Variants in PAK2 observed in about 807,000 individuals in gnomAD.
PAK2 encodes the protein p21 (RAC1) activated kinase 2.
In PAK2, 21 loss-of-function variants were observed where a neutral mutation model predicts 65.9. The observed-to-expected ratio is 0.32, with a 90% CI of 0.23 to 0.46. The LOEUF is 0.46. PAK2 is among the 20% of genes least tolerant of loss of function. PAK2 has a pLI of 1.00. For synonymous variants in PAK2, 204 were observed against 219.7 expected (o/e 0.93, Z 0.63); for missense variants, 324 against 642.6 (o/e 0.50, Z 5.36).
At chr3:196,753,016 T>G (rs1009333998) in intron 1 of PAK2, among the ~76,000 whole-genome samples, 1 of 151,584 alleles carries the variant, frequency 6.6e-6, no homozygotes, top group Admixed American at 6.6e-5. Context: ...AGTCTCCCTG[T>G]GTCACCCAGG....
chr3:196,804,835 A>G (rs998320353), intron 4 of PAK2, among the ~76,000 whole-genome samples: 6 of 150,564 alleles, frequency 4.0e-5, no homozygotes, highest in African/African-American at 1.5e-4. Flanking sequence ...ACACATATAT[A>G]TATATATATA....
At chr3:196,811,217 C>CCCTTCCTTCCT (rs1715782609) in intron 8 of PAK2, among the ~76,000 whole-genome samples, 1 of 5,396 alleles carries the variant, frequency 1.9e-4, no homozygotes, top group African/African-American at 9.6e-4. Flanking sequence ...CTTCCCTTCC[C>CCCTTCCTTCCT]TCCCTCCCTT....
At chr3:196,755,987 C>T (rs1005701849) in intron 1 of PAK2, among the ~76,000 whole-genome samples, 1 of 152,068 alleles carries the variant, frequency 6.6e-6, no homozygotes, top group Non-Finnish European at 1.5e-5. Context: ...AACTCTTGAC[C>T]TCATGATCCG....
chr3:196,788,546 A>T (rs940734258), intron 2 of PAK2, among the ~76,000 whole-genome samples: 1 of 152,152 alleles, frequency 6.6e-6, no homozygotes, highest in Non-Finnish European at 1.5e-5. Flanking sequence ...TGTGTGTACT[A>T]TGTGAATAAT....
intron 1 of PAK2, among the ~76,000 whole-genome samples, chr3:196,759,490 TTTTTTTTG>T (rs1560092737): frequency 2.8e-4 from 30 of 108,364 alleles, no homozygotes; most frequent in African/African-American, 9.4e-4. Context: ...AGTTAAGTGG[TTTTTTTTG>T]TTTTTTTTTT....
intron 7 of PAK2, among the ~76,000 whole-genome samples, chr3:196,808,276 C>T (rs973060679): frequency 2.0e-5 from 3 of 151,800 alleles, no homozygotes; most frequent in Non-Finnish European, 2.9e-5. Context: ...AAGATTGCGT[C>T]GTTGGGCTGG....
Position 196,747,489 on chromosome 3 carries a change from G to T in PAK2, c.-22+7332G>T, listed in dbSNP as rs181918473. On this transcript the variant is annotated intron_variant, in intron 1 of 14. Coordinates refer to ENST00000327134, the MANE Select transcript of PAK2 (RefSeq NM_002577.4). ...TTTGATTTCCTCTTTGACTCAGGAGGTATTTAGGATAATTCTATTCACTCA... is the reference window on the plus strand; with the variant it reads ...TTTGATTTCCTCTTTGACTCAGGAGTTATTTAGGATAATTCTATTCACTCA... 9.6e-4 allele frequency among the ~76,000 whole-genome samples: 146 copies of T among 152,190 alleles called. 1 individual carries two copies. The highest frequency in any genetic ancestry group is 3.1e-3 in the African/African-American group (130 of 41,516).
chr3:196,803,857 T>C (rs895260783), intron 4 of PAK2, among the ~76,000 whole-genome samples: 7 of 152,202 alleles, frequency 4.6e-5, no homozygotes, highest in African/African-American at 1.7e-4. Flanking sequence ...AACCAGTGAA[T>C]TGGTATATAG....
At chr3:196,777,315 T>C (rs1685007330) in intron 1 of PAK2, among the ~76,000 whole-genome samples, 1 of 152,124 alleles carries the variant, frequency 6.6e-6, no homozygotes, top group South Asian at 2.1e-4. Flanking sequence ...GCTATTCTCC[T>C]GCCTCAGCCG....
chr3:196,823,384 G>A (rs775059902), intron 13 of PAK2, among the ~76,000 whole-genome samples: 23 of 152,078 alleles, frequency 1.5e-4, no homozygotes, highest in Non-Finnish European at 2.6e-4. Flanking sequence ...GAAGAGGCTC[G>A]CCTCCAGTGG....
chr3:196,748,248 T>C (rs2686596), intron 1 of PAK2, among the ~76,000 whole-genome samples: 70,733 of 151,960 alleles, frequency 0.47, 16,956 homozygotes, highest in Non-Finnish European at 0.53. Context: ...ATGCTCCTCA[T>C]GCCCCTCTTC....
chr3:196,778,492 G>A (rs1407103308), intron 1 of PAK2, among the ~76,000 whole-genome samples: 1 of 152,060 alleles, frequency 6.6e-6, no homozygotes, highest in Non-Finnish European at 1.5e-5. Context: ...TTTTTATTAG[G>A]GGATAATTTT....
intron 13 of PAK2, among the ~76,000 whole-genome samples, chr3:196,821,586 G>T (rs1390431275): frequency 1.3e-5 from 2 of 151,942 alleles, no homozygotes; most frequent in African/African-American, 4.8e-5. Context: ...GGGAGGCTGA[G>T]GCAGGAGGAT....
At chr3:196,787,341 G>A (rs148602584) in intron 2 of PAK2, among the ~76,000 whole-genome samples, 2,309 of 152,146 alleles carry the variant, frequency 0.015, 103 homozygotes, top group Admixed American at 0.097. Context: ...AGCACTTTGG[G>A]AGGCCGAGGC....
At chr3:196,795,316 A>G (rs529527007) in intron 2 of PAK2, among the ~76,000 whole-genome samples, 1 of 152,024 alleles carries the variant, frequency 6.6e-6, no homozygotes, top group African/African-American at 2.4e-5. Context: ...GAAAAAAAGA[A>G]AAATTATCTG....
chr3:196,766,482 A>G (rs1035744708), intron 1 of PAK2, among the ~76,000 whole-genome samples: 4 of 152,206 alleles, frequency 2.6e-5, no homozygotes, highest in African/African-American at 4.8e-5. Context: ...TTTGGTCTTC[A>G]TTTAATTGTA....
intron 13 of PAK2, among the ~76,000 whole-genome samples, chr3:196,822,111 A>G (rs897116457): frequency 1.3e-5 from 2 of 152,178 alleles, no homozygotes; most frequent in Non-Finnish European, 2.9e-5. Context: ...CCGTTAAAGT[A>G]CTTCTATAGA....
chr3:196,812,139 T>G, intron 8 of PAK2, 80 bp from the exon 9 acceptor site: 1 of 835,030 alleles, frequency 1.2e-6, no homozygotes, highest in Non-Finnish European at 2.1e-6. Context: ...TTTCAATTGC[T>G]TGAAGTGTAA....
intron 1 of PAK2, among the ~76,000 whole-genome samples, chr3:196,751,331 A>G (rs978866701): frequency 1.3e-5 from 2 of 152,040 alleles, no homozygotes; most frequent in African/African-American, 2.4e-5. Context: ...ACTTAATGCA[A>G]ACCATGTTTC....
Sources: allele counts gnomAD v4.1 joint callset (sites outside exome capture counted in the v4.1 genomes callset), GRCh38; gene constraint gnomAD v4.1.1; transcripts MANE v1.5; gene names NCBI Gene and HGNC (gene_info 2026-07-23, HGNC 2026-07-21).